Variants in PIKFYVE observed in about 807,000 individuals in gnomAD.
The protein encoded by PIKFYVE is phosphoinositide kinase, FYVE-type zinc finger containing, also known as 1-phosphatidylinositol 3-phosphate 5-kinase.
A neutral mutation model predicts 257.9 loss-of-function variants in PIKFYVE; 122 were observed. That is an observed-to-expected ratio of 0.47 (90% CI 0.41 to 0.55). The LOEUF (loss-of-function observed/expected upper bound fraction) is 0.55. PIKFYVE is among the 20% of genes least tolerant of loss of function. The pLI is 0.00. For synonymous variants in PIKFYVE, 892 were observed against 868.9 expected (o/e 1.03, Z -0.47); for missense variants, 2,160 against 2,536.6 (o/e 0.85, Z 3.19).
chr2:208,292,541 A>G (rs1049387716), intron 7 of PIKFYVE, among the ~76,000 whole-genome samples: 2 of 152,098 alleles, frequency 1.3e-5, no homozygotes, highest in African/African-American at 4.8e-5. Flanking sequence ...CTTTATCATT[A>G]TGTAATTTCC....
In PIKFYVE at chr2:208,304,239, G is replaced by A; in HGVS notation, c.1389G>A (p.Glu463=). 1 of 1,614,132 alleles carries A rather than the reference G, an allele frequency of 6.2e-7. No individual in the cohort carries two copies. The highest frequency in any genetic ancestry group is 8.5e-7 in the Non-Finnish European group (1 of 1,179,982). The part of the protein sequence containing the change: ...DSVNSVEGHS[E]PSWFKDIKFD... ...TGAACTCCGTGGAAGGACACTCTGA[G>A]CCATCCTGGTTTAAAGACATAAAGT... Residue 463 remains glutamate, a synonymous_variant, in exon 11 of 42, where the codon GAG becomes GAA. Coordinates refer to ENST00000264380, the MANE Select transcript of PIKFYVE (RefSeq NM_015040.4).
chr2:208,331,282 G>T, intron 23 of PIKFYVE, among the ~76,000 whole-genome samples: 1 of 152,148 alleles, frequency 6.6e-6, no homozygotes, highest in East Asian at 1.9e-4. Flanking sequence ...CAAAAATTTG[G>T]TGCCAATATT....
At position 208,358,291 on chromosome 2, in the gene PIKFYVE, T is replaced by C. The variant is rs1233071304; in HGVS notation, c.*2986T>C. 1 of 152,654 alleles carries C rather than the reference T, an allele frequency of 6.6e-6. No individual in the cohort carries two copies. Among genetic ancestry groups the C allele is most frequent in the Non-Finnish European group, 1.5e-5 (1 of 68,042 alleles). 9.5% of individuals were successfully genotyped at this position (152,654 alleles called of 1,614,324 possible). On this transcript the variant is annotated 3_prime_UTR_variant, in exon 42 of 42. Transcript: ENST00000264380. ...GCTGAGCTTGAAGAGTGAAAACTGTTGTGAATGAGCCTGATCATAAAACGG... is the reference window on the plus strand; with the variant it reads ...GCTGAGCTTGAAGAGTGAAAACTGTCGTGAATGAGCCTGATCATAAAACGG...
chr2:208,304,452 A>G, intron 11 of PIKFYVE, 134 bp downstream of exon 11: 1 of 1,210,384 alleles, frequency 8.3e-7, no homozygotes, highest in East Asian at 2.5e-5. Context: ...ATCTGATAGC[A>G]GTCTTTGTCT....
chr2:208,270,308 C>T (rs754758340), intron 1 of PIKFYVE, among the ~76,000 whole-genome samples: 10 of 152,000 alleles, frequency 6.6e-5, no homozygotes, highest in South Asian at 2.1e-4. Flanking sequence ...TCCCAAAGTG[C>T]TGGGATTATA....
chr2:208,285,948 A>G lies in PIKFYVE; in HGVS notation c.821+15A>G, dbSNP rs1691516155. The G allele has an allele frequency of 1.9e-6, 3 of 1,607,852 alleles. No individual in the cohort carries two copies. The highest frequency in any genetic ancestry group is 1.7e-6 in the Non-Finnish European group (2 of 1,174,726). On this transcript the variant is annotated intron_variant, in intron 6 of 41. Coordinates refer to ENST00000264380, the MANE Select transcript of PIKFYVE (RefSeq NM_015040.4). ...GCCTGGCAAAGGTATTGTCCCTTAA[A>G]TATAATTTTATTTAGAGTTGAAAAA...
intron 7 of PIKFYVE, among the ~76,000 whole-genome samples, chr2:208,289,755 A>T (rs960961424): frequency 6.6e-6 from 1 of 152,082 alleles, no homozygotes; most frequent in Admixed American, 6.5e-5. Context: ...AAATACAGAG[A>T]TGGGGTTTCA....
intron 13 of PIKFYVE, among the ~76,000 whole-genome samples, chr2:208,313,856 T>C (rs1312870447): frequency 6.6e-6 from 1 of 152,210 alleles, no homozygotes; most frequent in African/African-American, 2.4e-5. Flanking sequence ...GTGTTGGAAT[T>C]ACAGGCGTGA....
rs773950160 is a variant in PIKFYVE at position 208,304,911 on chromosome 2, G to A, written c.1534G>A (p.Ala512Thr). ...CCAGTCCACAGTGGACAGTGACTCAGCCGCTTCTATCAGCCTGAACGTGGA... is the reference window on the plus strand; with the variant it reads ...CCAGTCCACAGTGGACAGTGACTCAACCGCTTCTATCAGCCTGAACGTGGA... ...SFQSTVDSDS[A>T]ASISLNVELD... The change falls in exon 12 of 42, where the codon GCC becomes ACC. Residue 512 changes from alanine (A) to threonine (T), a missense_variant. This residue lies in a region of PIKFYVE where 346 missense variants were observed against 365.6 expected (regional missense o/e 0.95). Transcript: ENST00000264380. 2.5e-6 allele frequency: 4 copies of A among 1,614,020 alleles called. No homozygotes were observed. The Admixed American group carries it at 6.7e-5, about 27-fold the overall frequency.
intron 28 of PIKFYVE, among the ~76,000 whole-genome samples, chr2:208,337,708 T>A (rs978805927): frequency 5.9e-5 from 9 of 152,098 alleles, no homozygotes; most frequent in Non-Finnish European, 1.2e-4. Context: ...CCAAGACCTT[T>A]TCAGGGACTC....
intron 10 of PIKFYVE, among the ~76,000 whole-genome samples, chr2:208,302,968 G>C (rs1693882732): frequency 1.3e-5 from 2 of 152,074 alleles, no homozygotes; most frequent in Admixed American, 6.6e-5. Flanking sequence ...TGTGGTTCCA[G>C]CTACTTGGGA....
rs1697147261 is a variant in PIKFYVE, at chr2:208,328,173, A to G, written c.3619-7A>G. The G allele has an allele frequency of 2.5e-6, 4 of 1,613,596 alleles. No homozygotes were observed. The highest frequency in any genetic ancestry group is 3.4e-6 in the Non-Finnish European group (4 of 1,179,740). Reference sequence around the variant, plus strand: ...ACTTGCTCATCCATTCATTCCTTCTATTTCAGGTGGACTGTCTGAATCCCA... The same window carrying G: ...ACTTGCTCATCCATTCATTCCTTCTGTTTCAGGTGGACTGTCTGAATCCCA... On this transcript the variant is annotated splice_region_variant and splice_polypyrimidine_tract_variant and intron_variant, in intron 20 of 41. Coordinates refer to ENST00000264380, the MANE Select transcript of PIKFYVE (RefSeq NM_015040.4).
chr2:208,316,836 A>T (rs1304520912), intron 15 of PIKFYVE, among the ~76,000 whole-genome samples: 1 of 152,202 alleles, frequency 6.6e-6, no homozygotes, highest in East Asian at 1.9e-4. Flanking sequence ...CTGCATATCT[A>T]CAACTATCCG....
intron 17 of PIKFYVE, among the ~76,000 whole-genome samples, chr2:208,321,942 T>C (rs1465107998): frequency 6.6e-6 from 1 of 152,222 alleles, no homozygotes; most frequent in Admixed American, 6.5e-5. Context: ...TAACTGTAGC[T>C]GTTCTAGGTA....
chr2:208,354,661 T>C lies in PIKFYVE; in HGVS notation c.6181+16T>C. The stretch of plus-strand genomic sequence containing the variant: ...GGTGGACAAGGTGAGAATTTTTGTT[T>C]TGTTTAAATTGTTCACATGTATTTC... On this transcript the variant is annotated intron_variant, in intron 41 of 41. Transcript: ENST00000264380. The C allele has an allele frequency of 1.3e-6, 2 of 1,580,808 alleles. No individual in the cohort carries two copies. The highest frequency in any genetic ancestry group is 1.7e-6 in the Non-Finnish European group (2 of 1,149,836).
At chr2:208,303,318 C>G (rs1446539016) in intron 10 of PIKFYVE, among the ~76,000 whole-genome samples, 2 of 150,958 alleles carry the variant, frequency 1.3e-5, no homozygotes, top group African/African-American at 4.9e-5. Flanking sequence ...TATAGCTGAC[C>G]GTTAAGAATT....
chr2:208,352,769 G>T lies in PIKFYVE; in HGVS notation c.5831G>T (p.Arg1944Ile). The T allele has an allele frequency of 6.2e-7, 1 of 1,613,310 alleles. No homozygotes were observed. Among genetic ancestry groups the T allele is most frequent in the South Asian group, 1.1e-5 (1 of 90,922 alleles). ...GTCATGGAAAATCTTTTCTACGGGA[G>T]AAAGATGGCACAGGTAAGGGTATTG... ...LLVMENLFYG[R>I]KMAQVFDLKG... Residue 1944 changes from arginine to isoleucine, a missense_variant, in exon 39 of 42, where the codon AGA becomes ATA. Transcript: ENST00000264380.
Position 208,320,248 on chromosome 2 carries a change from G to A in PIKFYVE, c.2083-4G>A, listed in dbSNP as rs1176875459. ...CACTTTAACAAACTGTTCATTTTTTGTAGATGAGTTCTTGTATTAAAAACC... is the reference window on the plus strand; with the variant it reads ...CACTTTAACAAACTGTTCATTTTTTATAGATGAGTTCTTGTATTAAAAACC... On this transcript the variant is annotated splice_region_variant and splice_polypyrimidine_tract_variant and intron_variant, in intron 16 of 41. Transcript: ENST00000264380. The A allele has an allele frequency of 5.6e-6, 9 of 1,609,054 alleles. No individual in the cohort carries two copies. Among genetic ancestry groups the A allele is most frequent in the Non-Finnish European group, 7.6e-6 (9 of 1,177,452 alleles).
intron 7 of PIKFYVE, among the ~76,000 whole-genome samples, chr2:208,289,642 G>A (rs1012367049): frequency 6.6e-6 from 1 of 152,062 alleles, no homozygotes; most frequent in African/African-American, 2.4e-5. Context: ...GTGTTAGCCA[G>A]GATGGTCTTG....
Sources: allele counts gnomAD v4.1 joint callset (sites outside exome capture counted in the v4.1 genomes callset), GRCh38; gene constraint gnomAD v4.1.1; regional missense constraint gnomAD v4.1.1; transcripts MANE v1.5; gene names NCBI Gene and HGNC (gene_info 2026-07-23, HGNC 2026-07-21).